The following MMD variants were observed in gnomAD, a reference collection of about 807,000 sequenced individuals.
The protein encoded by MMD is monocyte to macrophage differentiation factor.
A neutral mutation model predicts 33.6 loss-of-function variants in MMD; 22 were observed. That is an observed-to-expected ratio of 0.66 (90% confidence interval 0.47 to 0.94). The LOEUF (loss-of-function observed/expected upper bound fraction) is 0.94. MMD is among the 40% of genes least tolerant of loss of function. The pLI is 0.00. For synonymous variants in MMD, 97 were observed against 103.2 expected, an observed-to-expected ratio of 0.94 and a Z score of 0.36; for missense variants, 242 against 309.8, an observed-to-expected ratio of 0.78 and a Z score of 1.64.
intron 2 of MMD, among the ~76,000 whole-genome samples, chr17:55,413,611 G>GA (rs1364290509): frequency 6.6e-6 from 1 of 152,022 alleles, no homozygotes; most frequent in Non-Finnish European, 1.5e-5. Context: ...TTACAAAGCA[G>GA]AAAAAAATTA....
At chr17:55,421,532 G>A (rs1908189209) in intron 1 of MMD, 138 bp downstream of exon 1, 1 of 1,242,864 alleles carries the variant, frequency 8.0e-7, no homozygotes, top group Non-Finnish European at 1.1e-6. Flanking sequence ...GGAATCCCCA[G>A]GGAACTGATC....
chr17:55,418,923 C>T (rs1908072907), intron 1 of MMD, among the ~76,000 whole-genome samples: 2 of 152,058 alleles, frequency 1.3e-5, no homozygotes, highest in Non-Finnish European at 2.9e-5. Flanking sequence ...GAGTACACAC[C>T]AACAAGAAGA....
At chr17:55,403,464 A>G (rs950547938) in intron 5 of MMD, among the ~76,000 whole-genome samples, 1 of 152,192 alleles carries the variant, frequency 6.6e-6, no homozygotes, top group Non-Finnish European at 1.5e-5. Context: ...TGATGACTGA[A>G]TCACAGAGAA....
At chr17:55,397,228 C>A (rs1175420037) in intron 6 of MMD, among the ~76,000 whole-genome samples, 1 of 152,164 alleles carries the variant, frequency 6.6e-6, no homozygotes, top group African/African-American at 2.4e-5. Context: ...GTGGCACGAT[C>A]TTGGCTCACT....
At chr17:55,401,398 T>C in intron 6 of MMD, 71 bp downstream of exon 6, 1 of 1,288,932 alleles carries the variant, frequency 7.8e-7, no homozygotes, top group South Asian at 1.3e-5. Flanking sequence ...AAGCTACATA[T>C]CATATCCATA....
chr17:55,407,679 G>A, intron 4 of MMD, 67 bp downstream of exon 4: 3 of 1,435,532 alleles, frequency 2.1e-6, no homozygotes, highest in Non-Finnish European at 2.9e-6. Flanking sequence ...AGGGAGAAAG[G>A]AAAGGAGGAG....
intron 1 of MMD, among the ~76,000 whole-genome samples, chr17:55,415,779 C>T (rs1907947266): frequency 6.6e-6 from 1 of 152,102 alleles, no homozygotes; most frequent in African/African-American, 2.4e-5. Context: ...AACTAGTGTA[C>T]AAAATATGTA....
At chr17:55,407,002 G>C (rs1257749262) in intron 4 of MMD, among the ~76,000 whole-genome samples, 1 of 151,950 alleles carries the variant, frequency 6.6e-6, no homozygotes, top group African/African-American at 2.4e-5. Context: ...CTGCATTCCA[G>C]CCTGGGAGAC....
At chr17:55,413,913 A>G (rs1483830849) in intron 2 of MMD, among the ~76,000 whole-genome samples, 1 of 152,146 alleles carries the variant, frequency 6.6e-6, no homozygotes, top group East Asian at 1.9e-4. Flanking sequence ...TATTCCTTTA[A>G]AGAATATCTT....
In MMD at chr17:55,414,246, A is replaced by G. The variant is rs759693291; in HGVS notation, c.27-14T>C. The G allele has an allele frequency of 6.2e-7, 1 of 1,613,078 alleles. No individual in the cohort carries two copies. ...TGGTTCATGAACCTGTAAAAACAAA[A>G]AGAACACATGTAAGAAAAACTCAAA... On this transcript the variant is annotated splice_polypyrimidine_tract_variant and intron_variant, in intron 1 of 6. Coordinates refer to ENST00000262065, the MANE Select transcript of MMD (RefSeq NM_012329.3).
At chr17:55,411,204 A>T (rs2143148110) in intron 3 of MMD, 53 bp downstream of exon 3, 1 of 1,565,750 alleles carries the variant, frequency 6.4e-7, no homozygotes, top group South Asian at 1.2e-5. Flanking sequence ...AGGGTACCAA[A>T]CACGTTGAGT....
intron 2 of MMD, among the ~76,000 whole-genome samples, chr17:55,411,796 G>A (rs933936988): frequency 6.6e-6 from 1 of 152,148 alleles, no homozygotes; most frequent in African/African-American, 2.4e-5. Flanking sequence ...TGCCAAGCAG[G>A]CAGGGTGTGG....
intron 6 of MMD, among the ~76,000 whole-genome samples, chr17:55,399,180 C>T (rs1336058685): frequency 1.3e-5 from 2 of 152,158 alleles, no homozygotes; most frequent in African/African-American, 4.8e-5. Context: ...GGGGTGAATT[C>T]AAAGCTCATT....
intron 1 of MMD, among the ~76,000 whole-genome samples, chr17:55,416,077 A>G (rs534511338): frequency 1.3e-5 from 2 of 152,372 alleles, no homozygotes; most frequent in African/African-American, 4.8e-5. Flanking sequence ...GTCCTGAGAC[A>G]TAACAACAGA....
intron 1 of MMD, among the ~76,000 whole-genome samples, chr17:55,415,252 T>C (rs929152929): frequency 6.7e-6 from 1 of 149,952 alleles, no homozygotes; most frequent in Non-Finnish European, 1.5e-5. Flanking sequence ...AAGAAAGAGG[T>C]AGATGCACAG....
chr17:55,397,920 CT>C (rs1907171151), intron 6 of MMD, among the ~76,000 whole-genome samples: 1 of 152,042 alleles, frequency 6.6e-6, no homozygotes, highest in South Asian at 2.1e-4. Context: ...GTCATCTTCT[CT>C]CCTTGCTCTT....
intron 1 of MMD, among the ~76,000 whole-genome samples, chr17:55,415,274 C>A (rs544612369): frequency 6.8e-6 from 1 of 147,420 alleles, no homozygotes. Flanking sequence ...AACAGACGGA[C>A]GTAAAAAAAA....
In MMD at chr17:55,421,828, G is replaced by A; in HGVS notation, c.-133C>T. 1 of 1,048,880 alleles carries A rather than the reference G, an allele frequency of 9.5e-7. No homozygotes were observed. Among genetic ancestry groups the A allele is most frequent in the Non-Finnish European group, 1.3e-6 (1 of 759,246 alleles). The allele number at this position is 1,048,880 out of a possible 1,614,324, so 65.0% of individuals were successfully genotyped here. On this transcript the variant is annotated 5_prime_UTR_variant, in exon 1 of 7. Coordinates refer to ENST00000262065, the MANE Select transcript of MMD (RefSeq NM_012329.3). Reference sequence around the variant, plus strand: ...CAGCGGAACCCTTCGGCCGGGTAGGGTCGGAGTGGGCCAGGCCGGGGGTCG... The same window carrying A: ...CAGCGGAACCCTTCGGCCGGGTAGGATCGGAGTGGGCCAGGCCGGGGGTCG...
intron 6 of MMD, among the ~76,000 whole-genome samples, chr17:55,400,057 C>A (rs1907265573): frequency 6.6e-6 from 1 of 152,156 alleles, no homozygotes; most frequent in Non-Finnish European, 1.5e-5. Flanking sequence ...CTCCTCCTTA[C>A]CATTCCCTGT....
Sources: allele counts gnomAD v4.1 joint callset (sites outside exome capture counted in the v4.1 genomes callset), GRCh38; gene constraint gnomAD v4.1.1; transcripts MANE v1.5; gene names NCBI Gene and HGNC (gene_info 2026-07-23, HGNC 2026-07-21).